The following RTN4 variants were observed in gnomAD, a reference collection of about 807,000 sequenced individuals.
The protein encoded by RTN4 is reticulon 4, also known as reticulon-4.
A neutral mutation model predicts 90.4 loss-of-function variants in RTN4; 32 were observed. The ratio of observed to expected loss-of-function variants is 0.35; its 90% CI spans 0.27 to 0.48. The LOEUF (loss-of-function observed/expected upper bound fraction) is 0.48. Among genes scored for constraint, RTN4 ranks in the 20% least tolerant of loss-of-function variants. RTN4 has a pLI of 0.99. For missense variants in RTN4, 1,706 were observed against 1,430.2 expected (o/e 1.19, Z -3.11); for synonymous variants, 629 against 552.5 (o/e 1.14, Z -1.94).
At chr2:55,048,899 G>A (rs768647392) in intron 1 of RTN4, among the ~76,000 whole-genome samples, 13 of 152,082 alleles carry the variant, frequency 8.5e-5, no homozygotes, top group Non-Finnish European at 1.5e-4. Flanking sequence ...CAATTATGAT[G>A]CACTAAGAGG....
chr2:55,086,391 T>G (rs1420497246), intron 1 of RTN4, among the ~76,000 whole-genome samples: 1 of 152,022 alleles, frequency 6.6e-6, no homozygotes, highest in Non-Finnish European at 1.5e-5. Context: ...CTGGGTGCAG[T>G]GGCTCGCACC....
At position 55,049,819 on chromosome 2, in the gene RTN4, G is replaced by A. The variant is rs761733805; in HGVS notation, c.482C>T (p.Pro161Leu). The A allele has an allele frequency of 3.1e-5, 40 of 1,310,788 alleles. No homozygotes were observed. The highest frequency in any genetic ancestry group is 3.7e-5 in the Non-Finnish European group (38 of 1,032,758). 81.2% of individuals were successfully genotyped at this position (1,310,788 alleles called of 1,614,324 possible). The part of the protein sequence containing the change: ...VSPQAEPVWT[P>L]PAPAPAAPPS... ...GGGCGCGGCGGGAGCCGGGGCTGGC[G>A]GGGTCCACACGGGCTCTGCCTGGGG... The change falls in exon 1 of 9, where the codon CCG (proline) becomes CTG (leucine). Residue 161 changes from proline to leucine, a missense_variant. Physicochemically the swap from Pro to Leu is moderately conservative, Grantham distance 98 (BLOSUM62 -3). Coordinates refer to ENST00000337526, the MANE Select transcript of RTN4 (RefSeq NM_020532.5).
At chr2:55,003,165 G>A (rs576546159) in intron 3 of RTN4, among the ~76,000 whole-genome samples, 1 of 152,230 alleles carries the variant, frequency 6.6e-6, no homozygotes, top group Non-Finnish European at 1.5e-5. Context: ...TCAAAACACA[G>A]AATGAACCTC....
chr2:55,134,282 G>T, the RTN4 span, among the ~76,000 whole-genome samples: 2 of 152,098 alleles, frequency 1.3e-5, no homozygotes, highest in African/African-American at 2.4e-5. Flanking sequence ...TTTATGATTT[G>T]TATCTTGTGA....
chr2:55,070,143 G>A (rs989300986), intron 2 of RTN4, among the ~76,000 whole-genome samples: 3 of 152,074 alleles, frequency 2.0e-5, no homozygotes, highest in African/African-American at 4.8e-5. Context: ...CTATGAGCTG[G>A]ATAGTCTTTG....
chr2:55,015,685 A>C (rs1360284902), intron 3 of RTN4, among the ~76,000 whole-genome samples: 7 of 152,242 alleles, frequency 4.6e-5, no homozygotes, highest in Admixed American at 3.9e-4. Context: ...GCTTTTAAAA[A>C]ATACCTAGTA....
intron 1 of RTN4, among the ~76,000 whole-genome samples, chr2:55,100,437 G>C (rs1667832144): frequency 6.6e-6 from 1 of 152,096 alleles, no homozygotes; most frequent in African/African-American, 2.4e-5. Context: ...TTCATATTAT[G>C]AAATCTTGAT....
intron 3 of RTN4, among the ~76,000 whole-genome samples, chr2:54,991,392 A>G (rs1679003723): frequency 6.6e-6 from 1 of 152,218 alleles, no homozygotes; most frequent in African/African-American, 2.4e-5. Flanking sequence ...TTAGTCTATA[A>G]TTTCTACCTA....
At chr2:55,100,877 C>CA (rs1667841028) in intron 1 of RTN4, among the ~76,000 whole-genome samples, 1 of 102,070 alleles carries the variant, frequency 9.8e-6, no homozygotes, top group Admixed American at 1.0e-4. Context: ...GCACTCTTAG[C>CA]ATTTTTTTTT....
chr2:55,092,996 G>T (rs1421338809), intron 1 of RTN4, among the ~76,000 whole-genome samples: 1 of 152,192 alleles, frequency 6.6e-6, no homozygotes, highest in Non-Finnish European at 1.5e-5. Flanking sequence ...TGCTTACTGA[G>T]TTCTGACCAC....
At chr2:55,063,094 T>C (rs1668329676) in intron 2 of RTN4, among the ~76,000 whole-genome samples, 1 of 152,180 alleles carries the variant, frequency 6.6e-6, no homozygotes, top group African/African-American at 2.4e-5. Context: ...TAAACTTCGT[T>C]TATATGAGAG....
At chr2:55,056,172 T>G (rs941644474) in intron 2 of RTN4, among the ~76,000 whole-genome samples, 4 of 152,176 alleles carry the variant, frequency 2.6e-5, no homozygotes, top group African/African-American at 9.7e-5. Context: ...CTGAGTAGCA[T>G]GATGAAATCT....
chr2:55,137,411 G>A, the RTN4 span, among the ~76,000 whole-genome samples: 2,003 of 152,270 alleles, frequency 0.013, 17 homozygotes, highest in Non-Finnish European at 0.022. Flanking sequence ...CACACTTTAG[G>A]AGAACATAGG....
intron 5 of RTN4, 34 bp downstream of exon 5, chr2:54,982,481 G>C (rs770073595): frequency 2.5e-6 from 4 of 1,584,016 alleles, no homozygotes; most frequent in Non-Finnish European, 3.4e-6. Flanking sequence ...CTAAATTCTG[G>C]GTATATCAAA....
At chr2:54,997,399 T>C (rs1474929822) in intron 3 of RTN4, among the ~76,000 whole-genome samples, 5 of 152,190 alleles carry the variant, frequency 3.3e-5, no homozygotes, top group Non-Finnish European at 7.3e-5. Context: ...GCCTCATAGA[T>C]TGCTGATGGG....
chr2:55,041,041 T>A (rs920773558), intron 1 of RTN4, among the ~76,000 whole-genome samples: 2 of 150,212 alleles, frequency 1.3e-5, no homozygotes, highest in African/African-American at 2.4e-5. Context: ...TAGCTCCTAA[T>A]ACAAGAGTAC....
At chr2:55,049,701 A>C in intron 1 of RTN4, 44 bp downstream of exon 1, 1 of 1,417,538 alleles carries the variant, frequency 7.1e-7, no homozygotes, top group Non-Finnish European at 9.3e-7. Flanking sequence ...CAAAAGAGGG[A>C]GGGGCGCGAG....
At chr2:54,979,096 G>A (rs892147080) in intron 5 of RTN4, among the ~76,000 whole-genome samples, 4 of 149,656 alleles carry the variant, frequency 2.7e-5, no homozygotes, top group South Asian at 2.1e-4. Flanking sequence ...CTCTGTTGCC[G>A]TGGCTGGAAT....
intron 2 of RTN4, among the ~76,000 whole-genome samples, 190 bp from the exon 3 acceptor site, chr2:55,027,675 T>C (rs1682010591): frequency 6.6e-6 from 1 of 150,964 alleles, no homozygotes; most frequent in African/African-American, 2.5e-5. Context: ...ATTGTAAATA[T>C]AACATATGCA....
Sources: allele counts gnomAD v4.1 joint callset (sites outside exome capture counted in the v4.1 genomes callset), GRCh38; gene constraint gnomAD v4.1.1; transcripts MANE v1.5; gene names NCBI Gene and HGNC (gene_info 2026-07-23, HGNC 2026-07-21).